RIN2: variants seen among roughly 807,000 people sequenced by gnomAD.
RIN2 encodes the protein RAB5 interacting protein 2.
In RIN2, 36 loss-of-function variants were observed where a neutral mutation model predicts 78.0. The observed-to-expected ratio is 0.46, with a 90% CI of 0.35 to 0.61. The LOEUF (loss-of-function observed/expected upper bound fraction) is 0.61. Ranked by LOEUF, RIN2 falls within the 20% of genes least tolerant of loss-of-function variation. The probability of loss-of-function intolerance (pLI) is 0.00; values close to 1 mark genes in which losing one functional copy is unlikely to be tolerated. For missense variants in RIN2, 1,087 were observed against 1,159.7 expected (o/e 0.94, Z 0.91); for synonymous variants, 466 against 466.8 (o/e 1.00, Z 0.02).
At chr20:19,824,038 T>C in intron 2 of RIN2, 2 of 734,990 alleles carry the variant, frequency 2.7e-6, no homozygotes, top group Non-Finnish European at 4.5e-6. Flanking sequence ...AGAGAGCTGC[T>C]CTGCCTGCTT....
chr20:19,946,143 C>G (rs1323415924), intron 4 of RIN2, among the ~76,000 whole-genome samples: 3 of 152,158 alleles, frequency 2.0e-5, no homozygotes, highest in Non-Finnish European at 4.4e-5. Flanking sequence ...AATTCCTGCA[C>G]AGGGCTAGGC....
At chr20:19,765,810 G>T (rs947384339) in intron 1 of RIN2, among the ~76,000 whole-genome samples, 5 of 152,124 alleles carry the variant, frequency 3.3e-5, no homozygotes, top group Admixed American at 3.3e-4. Context: ...GGGTTTAGGA[G>T]ATTCCTCTGG....
At chr20:19,793,586 G>GT (rs111278611) in intron 1 of RIN2, among the ~76,000 whole-genome samples, 16,566 of 152,190 alleles carry the variant, frequency 0.11, 1,028 homozygotes, top group South Asian at 0.18. Context: ...TAATCCTGAG[G>GT]TTTTCACAAA....
chr20:19,813,204 T>G (rs2035658180), intron 2 of RIN2, among the ~76,000 whole-genome samples: 1 of 152,352 alleles, frequency 6.6e-6, no homozygotes, highest in Non-Finnish European at 1.5e-5. Context: ...TCTCATATAA[T>G]GAATCAACTG....
intron 3 of RIN2, among the ~76,000 whole-genome samples, chr20:19,890,208 T>C (rs1056293): frequency 0.54 from 82,737 of 152,016 alleles, 22,882 homozygotes; most frequent in African/African-American, 0.67. Flanking sequence ...AACTCTTCTG[T>C]GTTCATATTG....
intron 1 of RIN2, among the ~76,000 whole-genome samples, chr20:19,775,037 G>C (rs985483561): frequency 3.9e-5 from 6 of 152,196 alleles, no homozygotes; most frequent in African/African-American, 1.4e-4. Flanking sequence ...GGTAGGAAAA[G>C]AAGCCAGAGC....
At chr20:19,879,258 A>G (rs1474587424) in intron 2 of RIN2, among the ~76,000 whole-genome samples, 1 of 152,242 alleles carries the variant, frequency 6.6e-6, no homozygotes, top group African/African-American at 2.4e-5. Flanking sequence ...TATCTCTGAG[A>G]GCATTACATG....
At chr20:19,896,391 C>T (rs972014717) in intron 3 of RIN2, among the ~76,000 whole-genome samples, 4 of 152,062 alleles carry the variant, frequency 2.6e-5, no homozygotes, top group East Asian at 1.9e-4. Context: ...GGTTTCTCCA[C>T]GTTGGCCAGG....
intron 3 of RIN2, among the ~76,000 whole-genome samples, chr20:19,921,849 G>GTTGT (rs71198035): frequency 0.021 from 3,094 of 150,606 alleles, 59 homozygotes; most frequent in African/African-American, 0.056. Flanking sequence ...GGATCTGTCG[G>GTTGT]TTGTTTGTTT....
chr20:19,947,618 T>C (rs536758308), intron 4 of RIN2, among the ~76,000 whole-genome samples: 157 of 152,362 alleles, frequency 1.0e-3, no homozygotes, highest in Non-Finnish European at 2.1e-3. Context: ...TAACCACTTA[T>C]TAAACACTTA....
At chr20:19,965,908 C>T (rs750663494) in intron 7 of RIN2, among the ~76,000 whole-genome samples, 14 of 152,076 alleles carry the variant, frequency 9.2e-5, no homozygotes, top group South Asian at 2.1e-4. Flanking sequence ...CACCACGCCC[C>T]GCCCAGAATC....
chr20:19,879,596 A>G (rs891330619), intron 2 of RIN2, among the ~76,000 whole-genome samples: 2 of 152,204 alleles, frequency 1.3e-5, no homozygotes, highest in African/African-American at 4.8e-5. Flanking sequence ...CAACACATGG[A>G]TGCAAAGACA....
intron 1 of RIN2, among the ~76,000 whole-genome samples, chr20:19,762,253 A>G (rs2033668700): frequency 6.6e-6 from 1 of 152,178 alleles, no homozygotes; most frequent in African/African-American, 2.4e-5. Context: ...CTACTGTTAG[A>G]GCACCTTCCA....
At chr20:19,939,589 C>A (rs2040779947) in intron 4 of RIN2, among the ~76,000 whole-genome samples, 1 of 152,184 alleles carries the variant, frequency 6.6e-6, no homozygotes, top group Admixed American at 6.5e-5. Flanking sequence ...AGATGTGACA[C>A]CCCAGCACCC....
At chr20:19,976,674 G>A (rs1193145499) in intron 9 of RIN2, among the ~76,000 whole-genome samples, 1 of 152,172 alleles carries the variant, frequency 6.6e-6, no homozygotes, top group Non-Finnish European at 1.5e-5. Context: ...GTTGACTCTT[G>A]AAGGTTAATT....
rs539272686 is a variant in RIN2, at chr20:19,979,697, G to A, written c.1762+3910G>A. Among the ~76,000 whole-genome samples, 4 of 151,766 alleles carry A rather than the reference G, an allele frequency of 2.6e-5. No homozygotes were observed. In the South Asian group the frequency reaches 6.3e-4, roughly 24 times the overall value. On this transcript the variant is annotated intron_variant, in intron 9 of 12. Transcript: ENST00000255006. ...GTGTGACTTGTTTTTAATTTTTCAG[G>A]TCACAGTTTGGTTCAAGCCCCTGAG...
intron 1 of RIN2, among the ~76,000 whole-genome samples, chr20:19,764,918 G>GTTTTTTGTTTTTTTTTT (rs2033806296): frequency 7.9e-5 from 4 of 50,360 alleles, no homozygotes; most frequent in African/African-American, 1.9e-4. Flanking sequence ...CACTTTCTGC[G>GTTTTTTGTTTTTTTTTT]TTTTTTTTTT....
chr20:19,831,979 A>T (rs2036263727), intron 2 of RIN2, among the ~76,000 whole-genome samples: 1 of 152,122 alleles, frequency 6.6e-6, no homozygotes, highest in African/African-American at 2.4e-5. Flanking sequence ...CAATTATAAT[A>T]ATAATGATAG....
At chr20:19,842,820 G>A (rs2036623877) in intron 2 of RIN2, among the ~76,000 whole-genome samples, 1 of 151,966 alleles carries the variant, frequency 6.6e-6, no homozygotes, top group African/African-American at 2.4e-5. Context: ...CATAGGTAGT[G>A]ATTCCTCTGA....
Sources: gnomAD v4.1 joint callset for allele counts (sites outside exome capture counted in the v4.1 genomes callset) on GRCh38, gnomAD v4.1.1 for gene constraint, MANE v1.5 for transcripts, NCBI Gene and HGNC (gene_info 2026-07-23, HGNC 2026-07-21) for gene names.